The following NID1 variants were observed in gnomAD, a reference collection of about 807,000 sequenced individuals.
The protein encoded by NID1 is nidogen-1.
NID1 carries 76 observed loss-of-function variants against 130.6 expected under a neutral mutation model. That is an observed-to-expected ratio of 0.58 (90% CI 0.48 to 0.70). NID1 has a LOEUF of 0.70. NID1 is among the 30% of genes least tolerant of loss of function. The pLI is 0.00. For synonymous variants in NID1, 665 were observed against 675.1 expected (o/e 0.98, Z 0.23); for missense variants, 1,517 against 1,664.8 (o/e 0.91, Z 1.54).
chr1:236,046,069 C>T (rs1338481145), intron 2 of NID1, among the ~76,000 whole-genome samples: 1 of 152,182 alleles, frequency 6.6e-6, no homozygotes, highest in East Asian at 1.9e-4. Flanking sequence ...GTTTAACAAA[C>T]ATTTATTGAA....
At chr1:235,982,198 T>C (rs980563064) in intron 15 of NID1, among the ~76,000 whole-genome samples, 4 of 152,042 alleles carry the variant, frequency 2.6e-5, no homozygotes, top group African/African-American at 9.7e-5. Flanking sequence ...CAATAGCAGT[T>C]TGTCAAACAA....
chr1:236,040,010 C>T (rs1659402793), intron 4 of NID1, among the ~76,000 whole-genome samples: 1 of 152,178 alleles, frequency 6.6e-6, no homozygotes, highest in Non-Finnish European at 1.5e-5. Context: ...CTGTTTTAGA[C>T]ACAATCTGCG....
intron 9 of NID1, among the ~76,000 whole-genome samples, chr1:236,020,715 A>G (rs1658736657): frequency 6.6e-6 from 1 of 152,210 alleles, no homozygotes; most frequent in African/African-American, 2.4e-5. Flanking sequence ...GATCTGCTTA[A>G]TGCAATTTCC....
intron 12 of NID1, among the ~76,000 whole-genome samples, chr1:236,004,032 CAAA>C (rs36021098): frequency 7.7e-5 from 9 of 116,374 alleles, no homozygotes; most frequent in African/African-American, 2.3e-4. Context: ...GACTCTGTCT[CAAA>C]AAAAAAAAAA....
chr1:236,021,153 C>T (rs868227641), intron 9 of NID1, among the ~76,000 whole-genome samples: 1 of 152,164 alleles, frequency 6.6e-6, no homozygotes, highest in African/African-American at 2.4e-5. Context: ...GCATGCCAGC[C>T]GTCTCACAGC....
chr1:235,980,037 G>T (rs2102790981), intron 17 of NID1, 92 bp from the exon 18 acceptor site: 3 of 1,397,576 alleles, frequency 2.1e-6, no homozygotes, highest in African/African-American at 1.4e-5. Flanking sequence ...AAGAGTGGGA[G>T]AAATTAAGCA....
chr1:236,006,861 A>C (rs16833101), intron 12 of NID1, among the ~76,000 whole-genome samples: 16,188 of 152,088 alleles, frequency 0.11, 1,403 homozygotes, highest in South Asian at 0.27. Flanking sequence ...TTTTATTTTT[A>C]CAATATAAAG....
intron 4 of NID1, among the ~76,000 whole-genome samples, chr1:236,040,763 G>A (rs766630004): frequency 4.7e-5 from 7 of 150,244 alleles, no homozygotes; most frequent in Admixed American, 1.3e-4. Context: ...TCTCAGGTTC[G>A]AGCGATTCTC....
In NID1 at chr1:236,012,019, C is replaced by A. The variant is rs375233632; in HGVS notation, c.2429G>T (p.Arg810Leu). The change falls in exon 12 of 20, where the codon CGA becomes CTA. Residue 810 changes from arginine (R) to leucine (L), a missense_variant. This residue lies in a region of NID1 where 1,329 missense variants were observed against 1,429.2 expected (regional missense o/e 0.93). Coordinates refer to ENST00000264187, the MANE Select transcript of NID1 (RefSeq NM_002508.3). Reference protein sequence around the residue: ...CQDVDECQPSRCHPDAFCYNT... With the variant: ...CQDVDECQPSLCHPDAFCYNT... Reference sequence around the variant, plus strand: ...GTAGCAGAAGGCGTCAGGGTGACATCGGCTTGGCTGGCATTCATCTACATC... The same window carrying A: ...GTAGCAGAAGGCGTCAGGGTGACATAGGCTTGGCTGGCATTCATCTACATC... 6.2e-7 allele frequency: 1 copy of A among 1,613,990 alleles called. No individual in the cohort carries two copies. The highest frequency in any genetic ancestry group is 1.1e-5 in the South Asian group (1 of 91,082).
At chr1:236,058,673 A>G (rs1276985697) in intron 1 of NID1, among the ~76,000 whole-genome samples, 1 of 152,208 alleles carries the variant, frequency 6.6e-6, no homozygotes, top group Non-Finnish European at 1.5e-5. Flanking sequence ...TAGATTTCTT[A>G]TGTCCAAATA....
intron 11 of NID1, 130 bp from the exon 12 acceptor site, chr1:236,012,173 C>G: frequency 9.2e-7 from 1 of 1,082,130 alleles, no homozygotes; most frequent in Non-Finnish European, 1.3e-6. Flanking sequence ...ATCCAAAACT[C>G]ACTAAACATT....
chr1:236,041,180 GC>G (rs1659439566), intron 4 of NID1, among the ~76,000 whole-genome samples: 1 of 152,086 alleles, frequency 6.6e-6, no homozygotes, highest in Non-Finnish European at 1.5e-5. Flanking sequence ...CAATCCTCCT[GC>G]CTCAGCCTCC....
At position 235,979,949 on chromosome 1, in the gene NID1, T is replaced by C; in HGVS notation, c.3386-4A>G. 2 of 1,613,930 alleles carry C rather than the reference T, an allele frequency of 1.2e-6. No individual in the cohort carries two copies. The highest frequency in any genetic ancestry group is 1.7e-5 in the Admixed American group (1 of 60,012). The stretch of plus-strand genomic sequence containing the variant: ...AGGCATTCCGCCCGATTGGTGCCTG[T>C]GTGGAGTGGAAACAATTCATTCATT... On this transcript the variant is annotated splice_region_variant and splice_polypyrimidine_tract_variant and intron_variant, in intron 17 of 19. Coordinates refer to ENST00000264187, the MANE Select transcript of NID1 (RefSeq NM_002508.3). This position sits in a 1 kb window ranked among gnomAD's most constrained non-coding sequence, Gnocchi z 4.6.
intron 1 of NID1, among the ~76,000 whole-genome samples, chr1:236,058,135 T>C (rs1051467791): frequency 1.3e-5 from 2 of 152,204 alleles, no homozygotes; most frequent in Admixed American, 1.3e-4. Context: ...ATTGCCTAGG[T>C]GAGGTTCTTT....
At position 235,979,772 on chromosome 1, in the gene NID1, G is replaced by A; in HGVS notation, c.3509+50C>T. ...GGAAGGGCCTGGCCTCCCAGAGACA[G>A]TGGGTGGAGGGGCAGGCCCACGCAG... On this transcript the variant is annotated intron_variant, in intron 18 of 19. Coordinates refer to ENST00000264187, the MANE Select transcript of NID1 (RefSeq NM_002508.3). The surrounding 1 kb of genome is among the most constrained non-coding windows in gnomAD (Gnocchi z 4.6). 1 of 1,603,250 alleles carries A rather than the reference G, an allele frequency of 6.2e-7. No individual in the cohort carries two copies. The highest frequency in any genetic ancestry group is 8.5e-7 in the Non-Finnish European group (1 of 1,172,434).
intron 8 of NID1, 67 bp downstream of exon 8, chr1:236,025,828 CA>C (rs1339828127): frequency 3.8e-6 from 6 of 1,566,232 alleles, no homozygotes. Flanking sequence ...AGACCAAAAA[CA>C]ATGTCAAAGA....
chr1:235,988,132 C>A (rs558752126), intron 14 of NID1, among the ~76,000 whole-genome samples: 1 of 152,070 alleles, frequency 6.6e-6, no homozygotes, highest in Non-Finnish European at 1.5e-5. Context: ...GAAAATATTG[C>A]GAATCATGTA....
At position 236,042,006 on chromosome 1, in the gene NID1, T is replaced by C; in HGVS notation, c.1039A>G (p.Thr347Ala). The C allele has an allele frequency of 6.2e-7, 1 of 1,614,172 alleles. No individual in the cohort carries two copies. The highest frequency in any genetic ancestry group is 1.1e-5 in the South Asian group (1 of 91,078). The change falls in exon 4 of 20, where the codon ACA (threonine) becomes GCA (alanine). Residue 347 changes from threonine to alanine, a missense_variant. Thr to Ala is a moderately conservative substitution (Grantham distance 58). Coordinates refer to ENST00000264187, the MANE Select transcript of NID1 (RefSeq NM_002508.3). Reference sequence around the variant, plus strand: ...AACTGGAAAGACCTGGTTCTCTCTGTGGGAGGTCCAAGGGGCCTTTCGGTA... The same window carrying C: ...AACTGGAAAGACCTGGTTCTCTCTGCGGGAGGTCCAAGGGGCCTTTCGGTA... ...AATERPLGPPTERTRSFQLAV... is the reference protein window; with the variant it reads ...AATERPLGPPAERTRSFQLAV...
chr1:236,048,743 C>T lies in NID1; in HGVS notation c.472G>A (p.Glu158Lys), dbSNP rs1659681784. The change falls in exon 2 of 20, where the codon GAA (glutamate) becomes AAA (lysine). Residue 158 changes from glutamate to lysine, a missense_variant. Glu to Lys is a moderately conservative substitution (Grantham distance 56). Transcript: ENST00000264187. The part of the protein sequence containing the change: ...QPSSAVVVTW[E>K]SVAPYQGPSR... Reference sequence around the variant, plus strand: ...GGCCCTTGGTAGGGGGCCACGGATTCCCAAGTGACAACCACCGCGCTACTA... The same window carrying T: ...GGCCCTTGGTAGGGGGCCACGGATTTCCAAGTGACAACCACCGCGCTACTA... 6.2e-7 allele frequency: 1 copy of T among 1,612,942 alleles called. No individual in the cohort carries two copies. The highest frequency in any genetic ancestry group is 2.2e-5 in the East Asian group (1 of 44,878).
Sources: gnomAD v4.1 joint callset for allele counts (sites outside exome capture counted in the v4.1 genomes callset) on GRCh38, gnomAD v4.1.1 for gene constraint, gnomAD v4.1.1 regional missense constraint, Gnocchi (gnomAD v3.1) non-coding constraint, MANE v1.5 for transcripts, NCBI Gene and HGNC (gene_info 2026-07-23, HGNC 2026-07-21) for gene names.